HYLS1: variants seen among roughly 807,000 people sequenced by gnomAD.
HYLS1 encodes the protein centriolar and ciliogenesis-associated protein HYLS1.
A neutral mutation model predicts 29.4 loss-of-function variants in HYLS1; 25 were observed. The observed-to-expected ratio is 0.85, with a 90% CI of 0.62 to 1.19. The LOEUF (loss-of-function observed/expected upper bound fraction) is 1.19, where lower values mean the gene tolerates loss of function less well. HYLS1 is among the 50% of genes most tolerant of loss of function. HYLS1 has a pLI of 0.00. For missense variants in HYLS1, 352 were observed against 365.1 expected (o/e 0.96, Z 0.29); for synonymous variants, 128 against 126.7 (o/e 1.01, Z -0.07).
Position 125,900,298 on chromosome 11 carries a change from T to C in HYLS1, c.*30T>C, listed in dbSNP as rs1218092449. 30 of 1,603,578 alleles carry C rather than the reference T, an allele frequency of 1.9e-5. No homozygotes were observed. The highest frequency in any genetic ancestry group is 2.6e-5 in the Non-Finnish European group (30 of 1,170,830). ...TTTTAAACTTCTTTCACAGGATTGT[T>C]TGAGATAACCTAGCTCTTTATATCT... is the stretch of plus-strand genomic sequence containing the variant. On this transcript the variant is annotated 3_prime_UTR_variant, in exon 3 of 3. Coordinates refer to ENST00000425380, the MANE Select transcript of HYLS1 (RefSeq NM_001134793.2).
In HYLS1 at chr11:125,895,805, A is replaced by G. The variant is rs775453490; in HGVS notation, c.-25-3539A>G. ...GTGAGATCACCTGTGGAGTTAGACA[A>G]AGATACTGGGTTTTAGAGACACAAA... is the stretch of plus-strand genomic sequence containing the variant. On this transcript the variant is annotated intron_variant, in intron 2 of 2. Coordinates refer to ENST00000425380, the MANE Select transcript of HYLS1 (RefSeq NM_001134793.2). 14 of 1,586,148 alleles carry G rather than the reference A, an allele frequency of 8.8e-6. No homozygotes were observed. In the South Asian group the frequency reaches 1.4e-4, roughly 16 times the overall value.
intron 2 of HYLS1, among the ~76,000 whole-genome samples, chr11:125,898,890 T>G (rs1944672330): frequency 6.6e-6 from 1 of 152,140 alleles, no homozygotes; most frequent in South Asian, 2.1e-4. Context: ...GGCAAGTTAT[T>G]TAACTTCCCT....
At chr11:125,886,354 G>A (rs1944304528), upstream of HYLS1, among the ~76,000 whole-genome samples, 1 of 152,136 alleles carries the variant, frequency 6.6e-6, no homozygotes, top group African/African-American at 2.4e-5. Flanking sequence ...TGGAGGAAAA[G>A]GATTAAACAT....
chr11:125,890,184 G>A (rs1327340680), intron 1 of HYLS1, among the ~76,000 whole-genome samples: 1 of 151,972 alleles, frequency 6.6e-6, no homozygotes, highest in East Asian at 1.9e-4. Flanking sequence ...AGCCTCAAGC[G>A]ATCCTCCCAC....
intron 1 of HYLS1, among the ~76,000 whole-genome samples, chr11:125,889,706 C>T (rs1236775220): frequency 1.3e-5 from 2 of 151,372 alleles, no homozygotes; most frequent in African/African-American, 4.8e-5. Flanking sequence ...CACCGCAACT[C>T]CAGCCTGGGC....
intron 1 of HYLS1, among the ~76,000 whole-genome samples, 186 bp from the exon 2 acceptor site, chr11:125,891,237 A>G (rs752810191): frequency 5.3e-5 from 8 of 152,192 alleles, no homozygotes; most frequent in Non-Finnish European, 1.0e-4. Flanking sequence ...CTAAATTCTT[A>G]CTCTTCTAGA....
Position 125,900,101 on chromosome 11 carries a change from A to C in HYLS1, c.733A>C (p.Met245Leu), listed in dbSNP as rs1227150584. 10 of 1,614,090 alleles carry C rather than the reference A, an allele frequency of 6.2e-6. No homozygotes were observed. Among genetic ancestry groups the C allele is most frequent in the Non-Finnish European group, 8.5e-6 (10 of 1,180,040 alleles). Residue 245 changes from methionine (M) to leucine (L), a missense_variant, in exon 3 of 3, where the codon ATG becomes CTG. Transcript: ENST00000425380. ...KELRWGVREQ[M>L]LCRAEPQSKP... ...ATTACGCTGGGGTGTCCGAGAGCAG[A>C]TGCTTTGTCGAGCAGAACCCCAATC... is the stretch of plus-strand genomic sequence containing the variant.
At chr11:125,896,317 C>T (rs200845129) in intron 2 of HYLS1, 13 of 1,542,796 alleles carry the variant, frequency 8.4e-6, no homozygotes, top group Admixed American at 7.3e-5. Context: ...ACGAACCATA[C>T]AGGTCTGCCC....
rs1591502881 is a variant in HYLS1, at chr11:125,896,348, G to A, written c.-25-2996G>A. 3 of 1,438,650 alleles carry A rather than the reference G, an allele frequency of 2.1e-6. No homozygotes were observed. In the East Asian group the frequency reaches 6.8e-5, roughly 33 times the overall value. 89.1% of individuals were successfully genotyped at this position (1,438,650 alleles called of 1,614,324 possible). A position where few individuals can be genotyped will look rare whatever the true frequency, so the allele number is the denominator to read the frequency against. ...TGCCCTGTCTGAAAAGAGAGCAAAG[G>A]GATACAACAGTTTCAATGCTAGTTC... On this transcript the variant is annotated intron_variant, in intron 2 of 2. Transcript: ENST00000425380.
chr11:125,893,692 G>T (rs1944477819), intron 2 of HYLS1: 50 of 921,168 alleles, frequency 5.4e-5, no homozygotes, highest in Non-Finnish European at 6.9e-5. Flanking sequence ...CTGATCATCT[G>T]AATTCCTAGT....
upstream of HYLS1, among the ~76,000 whole-genome samples, chr11:125,884,179 G>A (rs181960587): frequency 6.6e-6 from 1 of 152,218 alleles, no homozygotes; most frequent in Non-Finnish European, 1.5e-5. Context: ...AGAACATATG[G>A]ATTTGACATA....
chr11:125,884,173 C>T (rs1944268915), upstream of HYLS1, among the ~76,000 whole-genome samples: 3 of 152,220 alleles, frequency 2.0e-5, no homozygotes, highest in East Asian at 1.9e-4. Flanking sequence ...ACTTAAAGAA[C>T]ATATGGATTT....
intron 2 of HYLS1, chr11:125,893,638 T>C: frequency 1.6e-6 from 1 of 634,378 alleles, no homozygotes; most frequent in African/African-American, 1.9e-5. Flanking sequence ...AATAACTTCC[T>C]TAATAGGGCT....
chr11:125,885,450 C>G (rs1259320142), upstream of HYLS1, among the ~76,000 whole-genome samples: 1 of 147,644 alleles, frequency 6.8e-6, no homozygotes, highest in Non-Finnish European at 1.5e-5. Context: ...GACTCTGTCT[C>G]AAAAAAAATT....
In HYLS1 at chr11:125,899,561, C is replaced by T. The variant is rs756174271; in HGVS notation, c.193C>T (p.Pro65Ser). ...AGCCCCAGGGAAGCGACCTGCTCTT[C>T]CTGTGCAACTACAGTACCCACATGT... ...SVAPGKRPAL[P>S]VQLQYPHVES... Residue 65 changes from proline (P) to serine (S), a missense_variant, in exon 3 of 3, where the codon CCT becomes TCT. Transcript: ENST00000425380. 3 of 1,614,050 alleles carry T rather than the reference C, an allele frequency of 1.9e-6. No homozygotes were observed. Among genetic ancestry groups the T allele is most frequent in the Non-Finnish European group, 2.5e-6 (3 of 1,180,034 alleles).
chr11:125,894,040 C>CTA, intron 2 of HYLS1: 2 of 1,614,178 alleles, frequency 1.2e-6, no homozygotes, highest in Non-Finnish European at 1.7e-6. Context: ...CACTGGTCTG[C>CTA]TTTATGACAG....
chr11:125,896,079 A>AT, intron 2 of HYLS1: 1 of 1,614,216 alleles, frequency 6.2e-7, no homozygotes, highest in Non-Finnish European at 8.5e-7. Context: ...CATATAGGCT[A>AT]TTCTTAGGGC....
chr11:125,894,006 G>T lies in HYLS1; in HGVS notation c.-26+2534G>T, dbSNP rs755231389. The T allele has an allele frequency of 1.4e-5, 23 of 1,614,008 alleles. No individual in the cohort carries two copies. In the South Asian group the frequency reaches 2.3e-4, roughly 16 times the overall value. ...CGGTCCATGAGGGGCTTATATGTGC[G>T]CATCTTCACTCCTTCTACAAAGGCA... On this transcript the variant is annotated intron_variant, in intron 2 of 2. Coordinates refer to ENST00000425380, the MANE Select transcript of HYLS1 (RefSeq NM_001134793.2).
intron 2 of HYLS1, chr11:125,895,893 G>A (rs1944569301): frequency 1.2e-6 from 2 of 1,608,846 alleles, no homozygotes; most frequent in East Asian, 4.5e-5. Context: ...GAGAAACAGT[G>A]TATTGGCCCT....
Sources: allele counts gnomAD v4.1 joint callset (sites outside exome capture counted in the v4.1 genomes callset), GRCh38; gene constraint gnomAD v4.1.1; transcripts MANE v1.5; gene names NCBI Gene and HGNC (gene_info 2026-07-23, HGNC 2026-07-21).